KIF6: variants seen among roughly 807,000 people sequenced by gnomAD.
KIF6 encodes kinesin-like protein KIF6.
A neutral mutation model predicts 112.7 loss-of-function variants in KIF6; 106 were observed. The ratio of observed to expected loss-of-function variants is 0.94; its 90% CI spans 0.80 to 1.11. The LOEUF is 1.11. KIF6 is among the 50% of genes least tolerant of loss of function. The pLI, the probability that KIF6 is intolerant of heterozygous loss-of-function variation, is 0.00. For missense variants in KIF6, 929 were observed against 964.0 expected (o/e 0.96, Z 0.48); for synonymous variants, 339 against 339.9 (o/e 1.00, Z 0.03).
chr6:39,670,906 TTAG>T lies in KIF6; in HGVS notation c.252-31152_252-31150del, dbSNP rs1786779534. 3.3e-5 allele frequency among the ~76,000 whole-genome samples: 5 copies of T among 152,340 alleles called. 1 individual carries two copies. In the South Asian group the frequency reaches 1.0e-3, roughly 32 times the overall value. ...ACCTATAATTCACACCTGTAGTTCA[TTAG>T]TAGTTAACACTTAGTTAAACAGCTT... is the stretch of plus-strand genomic sequence containing the variant. On this transcript the variant is annotated intron_variant, in intron 3 of 22. Coordinates refer to ENST00000287152, the MANE Select transcript of KIF6 (RefSeq NM_145027.6).
At chr6:39,497,301 A>G (rs1289577072) in intron 13 of KIF6, among the ~76,000 whole-genome samples, 1 of 152,222 alleles carries the variant, frequency 6.6e-6, no homozygotes, top group Non-Finnish European at 1.5e-5. Context: ...GATCCCAGAA[A>G]AACAGATCTG....
At chr6:39,475,569 A>G (rs766072155) in intron 13 of KIF6, among the ~76,000 whole-genome samples, 4 of 152,234 alleles carry the variant, frequency 2.6e-5, no homozygotes, top group Non-Finnish European at 5.9e-5. Flanking sequence ...CTGACATTTC[A>G]ATTTCTACCT....
intron 13 of KIF6, among the ~76,000 whole-genome samples, chr6:39,530,006 A>C (rs1363539242): frequency 6.6e-6 from 1 of 152,126 alleles, no homozygotes; most frequent in Non-Finnish European, 1.5e-5. Context: ...ATTTCTTCCA[A>C]TTCCTGCTTA....
chr6:39,578,010 A>C, intron 10 of KIF6, 46 bp downstream of exon 10: 1 of 1,307,846 alleles, frequency 7.6e-7, no homozygotes, highest in Non-Finnish European at 1.1e-6. Flanking sequence ...AAGTTAACAC[A>C]AACTTTCACT....
chr6:39,508,425 G>A (rs1776567177), intron 13 of KIF6, among the ~76,000 whole-genome samples: 1 of 152,208 alleles, frequency 6.6e-6, no homozygotes, highest in South Asian at 2.1e-4. Flanking sequence ...CACCTGGGAA[G>A]TGCAAGGGGT....
chr6:39,572,821 CA>C (rs1288192738), intron 10 of KIF6, among the ~76,000 whole-genome samples: 3 of 150,708 alleles, frequency 2.0e-5, no homozygotes, highest in African/African-American at 7.3e-5. Flanking sequence ...CCCCACCCCC[CA>C]AAAAAGATGT....
Position 39,454,084 on chromosome 6 carries a change from T to A in KIF6, c.1646-22923A>T, listed in dbSNP as rs116060931. On this transcript the variant is annotated intron_variant, in intron 13 of 22. Coordinates refer to ENST00000287152, the MANE Select transcript of KIF6 (RefSeq NM_145027.6). The stretch of plus-strand genomic sequence containing the variant: ...TTAAATACAGTAGATAGAAAAGAAG[T>A]GTTAAATACAGTAGATAAATACAGA... 3.6e-3 allele frequency among the ~76,000 whole-genome samples: 551 copies of A among 152,294 alleles called. 1 individual carries two copies. Among genetic ancestry groups the A allele is most frequent in the African/African-American group, 0.012 (518 of 41,578 alleles).
chr6:39,355,993 GCCTTT>G (rs1764648559), intron 19 of KIF6, among the ~76,000 whole-genome samples: 1 of 150,974 alleles, frequency 6.6e-6, no homozygotes, highest in Non-Finnish European at 1.5e-5. Context: ...TTTCCCTAAA[GCCTTT>G]TTCTGTTCCA....
rs557831177 is a variant in KIF6, at chr6:39,630,708, A to G, written c.509+4141T>C. The stretch of plus-strand genomic sequence containing the variant: ...GCAATTGGCTAGGACTTCCAGTACA[A>G]TGTTGAATTAGAGTGGTGAGAGGGA... On this transcript the variant is annotated intron_variant, in intron 5 of 22. Transcript: ENST00000287152. Among the ~76,000 whole-genome samples the G allele has an allele frequency of 2.0e-5, 3 of 152,132 alleles. No individual in the cohort carries two copies. The East Asian group carries it at 5.8e-4, about 29-fold the overall frequency.
chr6:39,515,347 C>G (rs1298958189), intron 13 of KIF6, among the ~76,000 whole-genome samples: 3 of 152,180 alleles, frequency 2.0e-5, no homozygotes, highest in Non-Finnish European at 4.4e-5. Context: ...GGAGTTGACA[C>G]CAAAACGGAC....
intron 5 of KIF6, among the ~76,000 whole-genome samples, chr6:39,617,485 TAA>T (rs1218014677): frequency 2.0e-5 from 3 of 152,208 alleles, no homozygotes; most frequent in African/African-American, 7.2e-5. Context: ...ATGTTATATA[TAA>T]GTGTTGCCAT....
chr6:39,470,773 G>A (rs1376230238), intron 13 of KIF6, among the ~76,000 whole-genome samples: 1 of 145,792 alleles, frequency 6.9e-6, no homozygotes, highest in Non-Finnish European at 1.6e-5. Context: ...AGACCCCTGA[G>A]CAGGACTGGC....
At chr6:39,442,225 C>T (rs1771960641) in intron 13 of KIF6, among the ~76,000 whole-genome samples, 1 of 152,202 alleles carries the variant, frequency 6.6e-6, no homozygotes, top group Non-Finnish European at 1.5e-5. Context: ...CGGCTGCCTC[C>T]TGGACTTTCC....
intron 19 of KIF6, among the ~76,000 whole-genome samples, chr6:39,346,944 C>G (rs192895911): frequency 1.3e-5 from 2 of 152,156 alleles, no homozygotes; most frequent in Non-Finnish European, 2.9e-5. Context: ...CCACTGTGCC[C>G]GGCCTACACA....
At chr6:39,503,210 T>C (rs998040705) in intron 13 of KIF6, among the ~76,000 whole-genome samples, 1 of 152,154 alleles carries the variant, frequency 6.6e-6, no homozygotes. Flanking sequence ...CACAACTACA[T>C]GGAAATTGAA....
intron 16 of KIF6, among the ~76,000 whole-genome samples, chr6:39,370,813 G>C (rs1765922205): frequency 6.6e-6 from 1 of 152,098 alleles, no homozygotes; most frequent in African/African-American, 2.4e-5. Flanking sequence ...TCGGGGATCT[G>C]TGTGGGTGCT....
At chr6:39,589,858 T>A (rs1205229616) in intron 7 of KIF6, among the ~76,000 whole-genome samples, 1 of 152,238 alleles carries the variant, frequency 6.6e-6, no homozygotes, top group Admixed American at 6.5e-5. Flanking sequence ...CTTGAGATTC[T>A]TTATGTTTAA....
At chr6:39,453,795 T>C (rs1772853289) in intron 13 of KIF6, among the ~76,000 whole-genome samples, 1 of 152,242 alleles carries the variant, frequency 6.6e-6, no homozygotes, top group South Asian at 2.1e-4. Context: ...TTCTCATGCC[T>C]CTTGGCCTCT....
intron 3 of KIF6, among the ~76,000 whole-genome samples, chr6:39,650,777 T>C (rs1189515130): frequency 4.6e-5 from 7 of 152,246 alleles, no homozygotes; most frequent in South Asian, 4.1e-4. Context: ...AAATCTGAAC[T>C]GGTTACTTTG....
Sources: allele counts gnomAD v4.1 joint callset (sites outside exome capture counted in the v4.1 genomes callset), GRCh38; gene constraint gnomAD v4.1.1; transcripts MANE v1.5; gene names NCBI Gene and HGNC (gene_info 2026-07-23, HGNC 2026-07-21).